The following DGKI variants were observed in gnomAD, a reference collection of about 807,000 sequenced individuals.
The protein encoded by DGKI is DAG kinase iota.
In DGKI, 55 loss-of-function variants were observed where a neutral mutation model predicts 147.5. That is an observed-to-expected ratio of 0.37 (90% CI 0.30 to 0.47). The LOEUF (loss-of-function observed/expected upper bound fraction) is 0.47. Ranked by LOEUF, DGKI falls within the 20% of genes least tolerant of loss-of-function variation. The pLI, the probability that DGKI is intolerant of heterozygous loss-of-function variation, is 1.00. For missense variants in DGKI, 1,007 were observed against 1,323.8 expected, an observed-to-expected ratio of 0.76 and a Z score of 3.71; for synonymous variants, 469 against 477.1, an observed-to-expected ratio of 0.98 and a Z score of 0.22.
intron 1 of DGKI, among the ~76,000 whole-genome samples, chr7:137,701,118 A>G (rs916770630): frequency 6.6e-5 from 10 of 152,036 alleles, no homozygotes; most frequent in African/African-American, 1.9e-4. Context: ...ATCATTAACT[A>G]GACTCTAATA....
At chr7:137,403,667 C>T (rs1488460401) in intron 30 of DGKI, among the ~76,000 whole-genome samples, 2 of 152,250 alleles carry the variant, frequency 1.3e-5, no homozygotes, top group Admixed American at 6.5e-5. Context: ...CTAAAGGCAT[C>T]CTTACAGTCA....
intron 12 of DGKI, among the ~76,000 whole-genome samples, chr7:137,588,714 G>A (rs1480831407): frequency 6.6e-6 from 1 of 152,094 alleles, no homozygotes; most frequent in Non-Finnish European, 1.5e-5. Flanking sequence ...CTGACCTTGT[G>A]ATCTGCCCAC....
At chr7:137,552,634 C>A in intron 19 of DGKI, 66 bp from the exon 20 acceptor site, 4 of 1,539,674 alleles carry the variant, frequency 2.6e-6, no homozygotes, top group Non-Finnish European at 3.5e-6. Flanking sequence ...GGAGGCCAGG[C>A]GCTGTGGCTC....
chr7:137,825,670 A>C (rs1798036626), intron 1 of DGKI, among the ~76,000 whole-genome samples: 2 of 151,622 alleles, frequency 1.3e-5, no homozygotes, highest in Admixed American at 1.3e-4. Flanking sequence ...ACATACACAC[A>C]CTCACACACA....
intron 28 of DGKI, among the ~76,000 whole-genome samples, chr7:137,427,727 T>C (rs1453363223): frequency 4.6e-5 from 7 of 152,038 alleles, no homozygotes; most frequent in African/African-American, 7.2e-5. Flanking sequence ...ATATCACCAC[T>C]GATCCCACAG....
At chr7:137,449,899 A>T (rs1813884248) in intron 27 of DGKI, among the ~76,000 whole-genome samples, 1 of 152,232 alleles carries the variant, frequency 6.6e-6, no homozygotes, top group African/African-American at 2.4e-5. Flanking sequence ...CCATCAACGT[A>T]CAAATGGATA....
chr7:137,604,575 G>C (rs909448075), intron 10 of DGKI, among the ~76,000 whole-genome samples: 2 of 152,080 alleles, frequency 1.3e-5, no homozygotes, highest in African/African-American at 4.8e-5. Context: ...TACTGATAAA[G>C]ACCCTGGGAC....
At chr7:137,522,590 G>A (rs929420867) in intron 20 of DGKI, among the ~76,000 whole-genome samples, 82 of 152,142 alleles carry the variant, frequency 5.4e-4, no homozygotes, top group African/African-American at 2.0e-3. Flanking sequence ...CCTTTCTTTA[G>A]GAAGAGAATG....
chr7:137,440,480 T>C (rs1563020474), intron 28 of DGKI, among the ~76,000 whole-genome samples: 7 of 152,244 alleles, frequency 4.6e-5, no homozygotes, highest in Admixed American at 2.0e-4. Flanking sequence ...GGAAGAATTA[T>C]CTCCATAGTT....
At chr7:137,469,026 T>C (rs1814773759) in intron 24 of DGKI, among the ~76,000 whole-genome samples, 1 of 152,166 alleles carries the variant, frequency 6.6e-6, no homozygotes, top group Admixed American at 6.5e-5. Context: ...AAAAACGGAC[T>C]CATTAAACAA....
chr7:137,767,476 A>G (rs868149322), intron 1 of DGKI, among the ~76,000 whole-genome samples: 44 of 101,770 alleles, frequency 4.3e-4, no homozygotes, highest in African/African-American at 1.4e-3. Flanking sequence ...AGAAGGGAAG[A>G]GAAGAGAAGA....
chr7:137,706,608 T>C (rs2116539584), intron 1 of DGKI, among the ~76,000 whole-genome samples: 2 of 151,592 alleles, frequency 1.3e-5, no homozygotes. Context: ...AGTCTCGCTG[T>C]GTAGCCTAGG....
chr7:137,827,913 A>G (rs555885123), intron 1 of DGKI, among the ~76,000 whole-genome samples: 2 of 152,332 alleles, frequency 1.3e-5, no homozygotes, highest in South Asian at 2.1e-4. Flanking sequence ...AATGACATGA[A>G]CAAGTCCTTT....
Position 137,391,147 on chromosome 7 carries a change from A to AG in DGKI, c.*72dup. ...TATATGAATTCCATCAGCTTCTTCC[A>AG]GGGGAGCTGCCCAATTGCAGGGAGG... is the stretch of plus-strand genomic sequence containing the variant. On this transcript the variant is annotated 3_prime_UTR_variant, in exon 33 of 33. Coordinates refer to ENST00000614521, the MANE Select transcript of DGKI (RefSeq NM_001321708.2). The AG allele has an allele frequency of 1.8e-6, 2 of 1,127,864 alleles. No homozygotes were observed. Among genetic ancestry groups the AG allele is most frequent in the Non-Finnish European group, 2.7e-6 (2 of 738,698 alleles). The allele number at this position is 1,127,864 out of a possible 1,614,324, so 69.9% of individuals were successfully genotyped here.
chr7:137,415,975 G>GC (rs1812343928), intron 28 of DGKI, among the ~76,000 whole-genome samples: 1 of 145,058 alleles, frequency 6.9e-6, no homozygotes, highest in Non-Finnish European at 1.5e-5. Flanking sequence ...GAGCGACAGA[G>GC]TGAGACTCTG....
chr7:137,667,759 C>T (rs1192864186), intron 3 of DGKI, among the ~76,000 whole-genome samples: 1 of 152,196 alleles, frequency 6.6e-6, no homozygotes, highest in African/African-American at 2.4e-5. Context: ...TTAAGGCAGT[C>T]TTCCAGCCAA....
intron 20 of DGKI, among the ~76,000 whole-genome samples, chr7:137,535,210 C>T (rs1817476052): frequency 2.6e-5 from 4 of 152,100 alleles, no homozygotes; most frequent in Non-Finnish European, 4.4e-5. Flanking sequence ...AATCCTACAA[C>T]TAGTGTTTAT....
At chr7:137,811,469 C>T (rs1797579130) in intron 1 of DGKI, among the ~76,000 whole-genome samples, 1 of 151,482 alleles carries the variant, frequency 6.6e-6, no homozygotes, top group Non-Finnish European at 1.5e-5. Context: ...AATTTTCTGA[C>T]CTCAGGAGAC....
chr7:137,464,438 A>T (rs905449712), intron 26 of DGKI, among the ~76,000 whole-genome samples: 1 of 151,886 alleles, frequency 6.6e-6, no homozygotes, highest in Non-Finnish European at 1.5e-5. Context: ...AAAACACTCT[A>T]CCTGCTTTCC....
Sources: gnomAD v4.1 joint callset for allele counts (sites outside exome capture counted in the v4.1 genomes callset) on GRCh38, gnomAD v4.1.1 for gene constraint, MANE v1.5 for transcripts, NCBI Gene and HGNC (gene_info 2026-07-23, HGNC 2026-07-21) for gene names.